The following POU6F2 variants were observed in gnomAD, a reference collection of about 807,000 sequenced individuals.
The protein encoded by POU6F2 is POU domain, class 6, transcription factor 2.
POU6F2 carries 31 observed loss-of-function variants against 71.3 expected under a neutral mutation model. That is an observed-to-expected ratio of 0.43 (90% CI 0.33 to 0.59). The LOEUF (loss-of-function observed/expected upper bound fraction) is 0.59. POU6F2 is among the 20% of genes least tolerant of loss of function. POU6F2 has a pLI of 0.04. For missense variants in POU6F2, 783 were observed against 856.8 expected, an observed-to-expected ratio of 0.91 and a Z score of 1.07; for synonymous variants, 347 against 355.7, an observed-to-expected ratio of 0.98 and a Z score of 0.27.
chr7:39,029,833 T>C (rs1789897863), intron 1 of POU6F2, among the ~76,000 whole-genome samples: 1 of 152,162 alleles, frequency 6.6e-6, no homozygotes, highest in South Asian at 2.1e-4. Context: ...ATATATTAAA[T>C]GGCATTTATA....
At chr7:39,376,751 G>A (rs1002983112) in intron 5 of POU6F2, among the ~76,000 whole-genome samples, 5 of 152,078 alleles carry the variant, frequency 3.3e-5, no homozygotes, top group Admixed American at 3.3e-4. Flanking sequence ...CCAGTTCCTA[G>A]AATAGATGTC....
intron 2 of POU6F2, among the ~76,000 whole-genome samples, chr7:39,191,878 T>C (rs1311187103): frequency 7.9e-5 from 12 of 152,186 alleles, no homozygotes. Flanking sequence ...GACACATGAA[T>C]TGGACTAATT....
rs1789087964 is a variant in POU6F2, at chr7:39,467,060, T to C, written c.*2374T>C. 6.6e-6 allele frequency: 1 copy of C among 152,148 alleles called. No homozygotes were observed. Among genetic ancestry groups the C allele is most frequent in the African/African-American group, 2.4e-5 (1 of 41,418 alleles). 9.4% of individuals were successfully genotyped at this position (152,148 alleles called of 1,614,324 possible). ...GCCTGCTCAGTTCTGAGATCTATAA[T>C]TGGGAGGGTCTAACTAGGACAGGGA... On this transcript the variant is annotated 3_prime_UTR_variant, in exon 10 of 10. Transcript: ENST00000518318.
intron 2 of POU6F2, among the ~76,000 whole-genome samples, chr7:39,201,303 G>A (rs1430811448): frequency 1.3e-5 from 2 of 152,026 alleles, no homozygotes; most frequent in African/African-American, 4.8e-5. Context: ...TAGAGTTCTT[G>A]GTTTTAACTC....
intron 4 of POU6F2, among the ~76,000 whole-genome samples, chr7:39,323,769 T>TGA (rs34321940): frequency 6.6e-5 from 10 of 151,710 alleles, no homozygotes; most frequent in African/African-American, 2.4e-4. Context: ...ATTTAATAAA[T>TGA]GAGAGAGAGA....
At chr7:39,379,055 G>A (rs1786769211) in intron 5 of POU6F2, among the ~76,000 whole-genome samples, 1 of 152,138 alleles carries the variant, frequency 6.6e-6, no homozygotes, top group Non-Finnish European at 1.5e-5. Context: ...AAGTCAAAAT[G>A]GTAAGATAAG....
intron 7 of POU6F2, among the ~76,000 whole-genome samples, chr7:39,443,504 A>T (rs1788457527): frequency 6.6e-6 from 1 of 152,226 alleles, no homozygotes; most frequent in Non-Finnish European, 1.5e-5. Context: ...CAGAAAACTG[A>T]TGGTGAACCT....
intron 5 of POU6F2, among the ~76,000 whole-genome samples, chr7:39,347,717 G>A (rs181282671): frequency 9.6e-6 from 1 of 104,018 alleles, no homozygotes; most frequent in East Asian, 2.0e-4. Flanking sequence ...CTGCAGCCTC[G>A]ACCTCCCAGG....
intron 4 of POU6F2, among the ~76,000 whole-genome samples, chr7:39,281,075 C>T (rs556905676): frequency 1.3e-5 from 2 of 152,204 alleles, no homozygotes; most frequent in African/African-American, 4.8e-5. Flanking sequence ...CATATGAAAA[C>T]ACGTTCATTT....
rs149258972 is a variant in POU6F2, at chr7:39,142,281, G to T, written c.277+56250G>T. Among the ~76,000 whole-genome samples, 162 of 152,260 alleles carry T rather than the reference G, an allele frequency of 1.1e-3. 1 individual carries two copies. Among genetic ancestry groups the T allele is most frequent in the South Asian group, 8.7e-3 (42 of 4,812 alleles). ...CACTGTGCCTTTGCAGGAATCTCTT[G>T]GTTATTGGTCTGCTCATTGTTCTCA... is the stretch of plus-strand genomic sequence containing the variant. On this transcript the variant is annotated intron_variant, in intron 2 of 9. Coordinates refer to ENST00000518318, the MANE Select transcript of POU6F2 (RefSeq NM_001370959.1).
intron 1 of POU6F2, chr7:39,006,772 G>T: frequency 7.1e-7 from 1 of 1,400,296 alleles, no homozygotes; most frequent in Non-Finnish European, 1.0e-6. Flanking sequence ...AACTCTCTTG[G>T]GTTGTGTTAC....
chr7:39,332,407 C>T (rs1237541763), intron 4 of POU6F2, among the ~76,000 whole-genome samples: 6 of 152,214 alleles, frequency 3.9e-5, no homozygotes, highest in African/African-American at 1.4e-4. Flanking sequence ...TTGTCTTCCT[C>T]TTCCTTAGTT....
intron 4 of POU6F2, among the ~76,000 whole-genome samples, chr7:39,251,491 G>A (rs1414888732): frequency 6.6e-6 from 1 of 152,078 alleles, no homozygotes; most frequent in Non-Finnish European, 1.5e-5. Flanking sequence ...TTCTTTATAG[G>A]AAACTAAAAA....
At chr7:39,433,013 G>A (rs1363127789) in intron 6 of POU6F2, 64 bp from the exon 7 acceptor site, 21 of 1,535,670 alleles carry the variant, frequency 1.4e-5, no homozygotes, top group Non-Finnish European at 1.9e-5. Flanking sequence ...GCACTGCATG[G>A]TCTTCAGTTG....
At chr7:39,262,850 T>C (rs1416961875) in intron 4 of POU6F2, among the ~76,000 whole-genome samples, 2 of 152,202 alleles carry the variant, frequency 1.3e-5, no homozygotes, top group African/African-American at 2.4e-5. Context: ...ACCCAGTGCA[T>C]TTTCTGTGAA....
chr7:39,342,096 A>C (rs1187794342), intron 5 of POU6F2, among the ~76,000 whole-genome samples: 1 of 152,226 alleles, frequency 6.6e-6, no homozygotes, highest in Non-Finnish European at 1.5e-5. Flanking sequence ...TTAAATATAG[A>C]GGAGCTGTTA....
chr7:39,125,056 C>A (rs1355913935), intron 2 of POU6F2, among the ~76,000 whole-genome samples: 1 of 151,840 alleles, frequency 6.6e-6, no homozygotes, highest in African/African-American at 2.4e-5. Context: ...TACTACTGGG[C>A]CTTGATATAA....
At chr7:39,120,171 A>T (rs1792010881) in intron 2 of POU6F2, among the ~76,000 whole-genome samples, 1 of 152,148 alleles carries the variant, frequency 6.6e-6, no homozygotes, top group African/African-American at 2.4e-5. Context: ...TATCTGATTT[A>T]AAAACATTTT....
chr7:39,373,600 C>T (rs1321746242), intron 5 of POU6F2: 1 of 451,204 alleles, frequency 2.2e-6, no homozygotes, highest in Non-Finnish European at 4.5e-6. Flanking sequence ...CCTAGTCTAG[C>T]TAACTGTATG....
Sources: gnomAD v4.1 joint callset for allele counts (sites outside exome capture counted in the v4.1 genomes callset) on GRCh38, gnomAD v4.1.1 for gene constraint, MANE v1.5 for transcripts, NCBI Gene and HGNC (gene_info 2026-07-23, HGNC 2026-07-21) for gene names.